RNF41: variants seen among roughly 807,000 people sequenced by gnomAD.
RNF41 encodes ring finger protein 41.
RNF41 carries 4 observed loss-of-function variants against 33.0 expected under a neutral mutation model. The ratio of observed to expected loss-of-function variants is 0.12; its 90% CI spans 0.06 to 0.28. The LOEUF is 0.28. RNF41 is among the 10% of genes least tolerant of loss of function. RNF41 has a pLI of 1.00. For synonymous variants in RNF41, 164 were observed against 153.2 expected (o/e 1.07, Z -0.52); for missense variants, 228 against 432.6 (o/e 0.53, Z 4.19).
At chr12:56,220,958 C>A (rs773431925) in intron 1 of RNF41, among the ~76,000 whole-genome samples, 24 of 152,136 alleles carry the variant, frequency 1.6e-4, no homozygotes, top group Admixed American at 4.6e-4. Flanking sequence ...TATTGTCAGA[C>A]TCTAAAACCC....
At chr12:56,212,005 C>T (rs891453798) in intron 3 of RNF41, among the ~76,000 whole-genome samples, 5 of 151,930 alleles carry the variant, frequency 3.3e-5, no homozygotes, top group South Asian at 2.1e-4. Context: ...TAAATAAGGC[C>T]GGGCATGGTG....
chr12:56,207,248 G>T (rs1868287223), intron 6 of RNF41: 32 of 1,327,734 alleles, frequency 2.4e-5, no homozygotes, highest in Non-Finnish European at 3.2e-5. Flanking sequence ...TGTTTTTGCT[G>T]CATTTTAGAG....
Position 56,210,407 on chromosome 12 carries a change from G to T in RNF41, c.252C>A (p.Asp84Glu), listed in dbSNP as rs201033187. The T allele has an allele frequency of 6.2e-7, 1 of 1,614,220 alleles. No individual in the cohort carries two copies. The highest frequency in any genetic ancestry group is 2.2e-5 in the East Asian group (1 of 44,890). Residue 84 changes from aspartate (D) to glutamate (E), a missense_variant, in exon 4 of 7, where the codon GAC becomes GAA. Coordinates refer to ENST00000345093, the MANE Select transcript of RNF41 (RefSeq NM_005785.4). The part of the protein sequence containing the change: ...NMLSKLQIAC[D>E]NAVFGCSAVV... ...CGGCACTACAGCCGAACACAGCGTT[G>T]TCACAGGCAATCTGCAGCTTTGACA...
In RNF41 at chr12:56,207,648, T is replaced by G; in HGVS notation, c.600A>C (p.Leu200=). 6.2e-7 allele frequency: 1 copy of G among 1,608,052 alleles called. No homozygotes were observed. The highest frequency in any genetic ancestry group is 8.5e-7 in the Non-Finnish European group (1 of 1,174,444). ...LEETIEYNEI[L]EWVNSLQPAR... is the part of the protein sequence containing the mutation. Reference sequence around the variant, plus strand: ...TCCACGTCCTGAGTGACACTCACTCTAGGATCTCGTTGTATTCAATTGTCT... The same window carrying G: ...TCCACGTCCTGAGTGACACTCACTCGAGGATCTCGTTGTATTCAATTGTCT... Residue 200 remains leucine (L), a splice_region_variant and synonymous_variant, in exon 6 of 7, where the codon CTA becomes CTC. Coordinates refer to ENST00000345093, the MANE Select transcript of RNF41 (RefSeq NM_005785.4).
Position 56,206,487 on chromosome 12 carries a change from C to T in RNF41, c.914G>A (p.Gly305Asp). The part of the protein sequence containing the change: ...HMGDDMVQEP[G>D]LVMIFAHGVE... Reference sequence around the variant, plus strand: ...GCCATGCGCAAATATCATGACAAGGCCTGGCTCTTGCACCATGTCATCCCC... The same window carrying T: ...GCCATGCGCAAATATCATGACAAGGTCTGGCTCTTGCACCATGTCATCCCC... The change falls in exon 7 of 7, where the codon GGC becomes GAC. Residue 305 changes from glycine to aspartate, a missense_variant. By Grantham distance (94) the Gly-to-Asp change is moderately conservative (BLOSUM62 -1). Around this residue, in one of 2 missense-constraint regions of RNF41, gnomAD observed 199 missense variants for 334.6 expected, o/e 0.59. Coordinates refer to ENST00000345093, the MANE Select transcript of RNF41 (RefSeq NM_005785.4). This position sits in a 1 kb window ranked among gnomAD's most constrained non-coding sequence, Gnocchi z 5.7. The T allele has an allele frequency of 6.2e-7, 1 of 1,614,038 alleles. No homozygotes were observed. The highest frequency in any genetic ancestry group is 8.5e-7 in the Non-Finnish European group (1 of 1,179,958).
rs1254877800 is a variant in RNF41, at chr12:56,206,011, CCA to C, written c.*434_*435del. ...TTCTAGAGATTTGGCTCCACCCTTA[CCA>C]TTTCTTCAGGATGTCTGCTGCTTAG... is the stretch of plus-strand genomic sequence containing the variant. On this transcript the variant is annotated 3_prime_UTR_variant, in exon 7 of 7. Coordinates refer to ENST00000345093, the MANE Select transcript of RNF41 (RefSeq NM_005785.4). The surrounding 1 kb of genome is among the most constrained non-coding windows in gnomAD (Gnocchi z 5.7). The C allele has an allele frequency of 1.2e-5, 2 of 167,694 alleles. No homozygotes were observed. Among genetic ancestry groups the C allele is most frequent in the African/African-American group, 4.8e-5 (2 of 41,654 alleles). The allele number at this position is 167,694 out of a possible 1,614,324, so 10.4% of individuals were successfully genotyped here. A position where few individuals can be genotyped will look rare whatever the true frequency, so the allele number is the denominator to read the frequency against.
At chr12:56,214,558 G>C (rs1868722862) in intron 2 of RNF41, among the ~76,000 whole-genome samples, 1 of 149,652 alleles carries the variant, frequency 6.7e-6, no homozygotes, top group Non-Finnish European at 1.5e-5. Context: ...GCCTGGCACA[G>C]TGGCTCACGC....
chr12:56,211,517 CAAT>C (rs59199706), intron 3 of RNF41, among the ~76,000 whole-genome samples: 4,765 of 152,060 alleles, frequency 0.031, 250 homozygotes, highest in African/African-American at 0.11. Context: ...ATTGCATACA[CAAT>C]AATTGCCAAA....
Position 56,213,941 on chromosome 12 carries a change from C to A in RNF41, c.90+17G>T. 1 of 1,574,066 alleles carries A rather than the reference C, an allele frequency of 6.4e-7. No individual in the cohort carries two copies. The highest frequency in any genetic ancestry group is 1.1e-5 in the South Asian group (1 of 90,308). On this transcript the variant is annotated intron_variant, in intron 3 of 6. Coordinates refer to ENST00000345093, the MANE Select transcript of RNF41 (RefSeq NM_005785.4). ...GCTACCTGTTGCCCCACCAAACCTG[C>A]CATCAGACCAACTCACCTGTACTGG... is the stretch of plus-strand genomic sequence containing the variant.
chr12:56,220,512 C>T lies in RNF41; in HGVS notation c.-209+1248G>A, dbSNP rs187589017. 4.7e-3 allele frequency among the ~76,000 whole-genome samples: 715 copies of T among 151,924 alleles called. 8 individuals carry two copies. The highest frequency in any genetic ancestry group is 0.016 in the African/African-American group (684 of 41,476). ...GATTACAGGCGTGAGCCACCGCGCCCGGCTACAGTCAGAGGTTTGAGACCA... is the reference window on the plus strand; with the variant it reads ...GATTACAGGCGTGAGCCACCGCGCCTGGCTACAGTCAGAGGTTTGAGACCA... On this transcript the variant is annotated intron_variant, in intron 1 of 6. Coordinates refer to ENST00000345093, the MANE Select transcript of RNF41 (RefSeq NM_005785.4).
intron 3 of RNF41, among the ~76,000 whole-genome samples, chr12:56,211,364 T>C (rs776260977): frequency 6.6e-6 from 1 of 151,646 alleles, no homozygotes; most frequent in African/African-American, 2.4e-5. Context: ...TATATATATA[T>C]ATATTCCCTG....
intron 3 of RNF41, chr12:56,213,103 C>T: frequency 2.3e-6 from 3 of 1,289,660 alleles, no homozygotes; most frequent in Non-Finnish European, 3.0e-6. Context: ...GCTTTCACAT[C>T]AAAATGCAGA....
In RNF41 at chr12:56,206,917, C is replaced by T; in HGVS notation, c.603-119G>A. Reference sequence around the variant, plus strand: ...TCAGCTTACCTATTCTTCCTTCTTTCCTTCCATCATTGGCTCAGAAACCCC... The same window carrying T: ...TCAGCTTACCTATTCTTCCTTCTTTTCTTCCATCATTGGCTCAGAAACCCC... On this transcript the variant is annotated intron_variant, in intron 6 of 6. Coordinates refer to ENST00000345093, the MANE Select transcript of RNF41 (RefSeq NM_005785.4). The surrounding 1 kb of genome is among the most constrained non-coding windows in gnomAD (Gnocchi z 5.7). 1 of 954,558 alleles carries T rather than the reference C, an allele frequency of 1.0e-6. No homozygotes were observed. The highest frequency in any genetic ancestry group is 1.5e-6 in the Non-Finnish European group (1 of 657,140). 59.1% of individuals were successfully genotyped at this position (954,558 alleles called of 1,614,324 possible).
chr12:56,215,301 G>A (rs1248802517), intron 2 of RNF41, among the ~76,000 whole-genome samples: 2 of 152,194 alleles, frequency 1.3e-5, no homozygotes, highest in African/African-American at 4.8e-5. Context: ...AAAAAACAAT[G>A]TGATAATAGT....
In RNF41 at chr12:56,202,277, GACC is replaced by G. The variant is rs1237861062; in HGVS notation, c.*4167_*4169del. ...GCTACTCCAGAAGCTGAAGTGGGAAGACCACTAGAGCCCAGGAGTTTGAGGCTA... is the reference window on the plus strand; with the variant it reads ...GCTACTCCAGAAGCTGAAGTGGGAAGACTAGAGCCCAGGAGTTTGAGGCTA... On this transcript the variant is annotated 3_prime_UTR_variant, in exon 7 of 7. Transcript: ENST00000345093. The G allele has an allele frequency of 6.6e-6, 1 of 151,848 alleles. No homozygotes were observed. The highest frequency in any genetic ancestry group is 1.5e-5 in the Non-Finnish European group (1 of 68,012). The allele number at this position is 151,848 out of a possible 1,614,324, so 9.4% of individuals were successfully genotyped here.
intron 3 of RNF41, chr12:56,213,262 A>G (rs2135808552): frequency 3.6e-6 from 2 of 560,792 alleles, no homozygotes; most frequent in Non-Finnish European, 5.4e-6. Context: ...GTGCAGTGGC[A>G]CAATCTCGGC....
chr12:56,206,512 C>T lies in RNF41; in HGVS notation c.889G>A (p.Gly297Arg), dbSNP rs948859212. The T allele has an allele frequency of 1.2e-6, 2 of 1,614,218 alleles. No homozygotes were observed. Among genetic ancestry groups the T allele is most frequent in the African/African-American group, 1.3e-5 (1 of 75,060 alleles). Residue 297 changes from glycine (G) to arginine (R), a missense_variant, in exon 7 of 7, where the codon GGG (glycine) becomes AGG (arginine). Gly to Arg is a moderately radical substitution (Grantham distance 125). Around this residue, in one of 2 missense-constraint regions of RNF41, gnomAD observed 199 missense variants for 334.6 expected, o/e 0.59. Coordinates refer to ENST00000345093, the MANE Select transcript of RNF41 (RefSeq NM_005785.4). The surrounding 1 kb of genome is among the most constrained non-coding windows in gnomAD (Gnocchi z 5.7). ...CCTGGCTCTTGCACCATGTCATCCC[C>T]CATGTGCTGGTTCTCACAGGCCATC... ...VVMACENQHM[G>R]DDMVQEPGLV... is the part of the protein sequence containing the mutation.
chr12:56,213,650 G>A (rs962018094), intron 3 of RNF41, among the ~76,000 whole-genome samples: 19 of 152,124 alleles, frequency 1.2e-4, no homozygotes, highest in Non-Finnish European at 2.9e-5. Context: ...TTCCTGTAGA[G>A]GAAAGGAAGC....
At chr12:56,212,890 A>G in intron 3 of RNF41, 3 of 828,786 alleles carry the variant, frequency 3.6e-6, no homozygotes, top group South Asian at 2.9e-5. Flanking sequence ...TAGCCAGGAA[A>G]GAGAAAGGAT....
Sources: allele counts gnomAD v4.1 joint callset (sites outside exome capture counted in the v4.1 genomes callset), GRCh38; gene constraint gnomAD v4.1.1; regional missense constraint gnomAD v4.1.1; non-coding constraint Gnocchi (gnomAD v3.1); transcripts MANE v1.5; gene names NCBI Gene and HGNC (gene_info 2026-07-23, HGNC 2026-07-21).